The following TXLNG variants were observed in gnomAD, a reference collection of about 807,000 sequenced individuals.
TXLNG encodes the protein gamma-taxilin.
TXLNG carries 5 observed loss-of-function variants against 38.8 expected under a neutral mutation model. The observed-to-expected ratio is 0.13, with a 90% CI of 0.07 to 0.27. The LOEUF (loss-of-function observed/expected upper bound fraction) is 0.27. Ranked by LOEUF, TXLNG falls within the 10% of genes least tolerant of loss-of-function variation. TXLNG has a pLI of 1.00. For missense variants in TXLNG, 393 were observed against 398.2 expected (o/e 0.99, Z 0.11); for synonymous variants, 182 against 158.2 (o/e 1.15, Z -1.13).
At chrX:16,804,985 C>CCCCTTT (rs777605975) in intron 1 of TXLNG, among the ~76,000 whole-genome samples, 3 of 2,131 alleles carry the variant, frequency 1.4e-3, no homozygotes, top group African/African-American at 5.0e-3. Flanking sequence ...CCCCCCCCCG[C>CCCCTTT]TTTTTTTTTT....
intron 1 of TXLNG, among the ~76,000 whole-genome samples, chrX:16,787,093 A>G (rs987408175): frequency 2.9e-4 from 33 of 112,537 alleles, no homozygotes; most frequent in Admixed American, 5.5e-4. Context: ...GTTGCGCAGT[A>G]AGATAACCGC....
intron 9 of TXLNG, chrX:16,840,584 C>A: frequency 3.2e-6 from 1 of 315,024 alleles, no homozygotes; most frequent in Non-Finnish European, 4.2e-6. Flanking sequence ...CCAGCCTGGC[C>A]AACATCGTGA....
At chrX:16,812,211 A>G (rs1928546975) in intron 1 of TXLNG, among the ~76,000 whole-genome samples, 1 of 103,750 alleles carries the variant, frequency 9.6e-6, no homozygotes, top group Non-Finnish European at 2.0e-5. Flanking sequence ...ATTTCATCAC[A>G]TTGGCCAGGC....
chrX:16,821,812 A>C (rs1205952258), intron 3 of TXLNG, among the ~76,000 whole-genome samples: 11 of 105,764 alleles, frequency 1.0e-4, no homozygotes, highest in Admixed American at 3.1e-4. Flanking sequence ...AACACGGTGA[A>C]ACCCTGTCTC....
chrX:16,813,595 C>T (rs1313852383), intron 1 of TXLNG, among the ~76,000 whole-genome samples: 1 of 103,045 alleles, frequency 9.7e-6, no homozygotes, highest in Non-Finnish European at 2.0e-5. Context: ...CTGCAGTAAG[C>T]TTGCATTGTG....
intron 3 of TXLNG, among the ~76,000 whole-genome samples, chrX:16,822,197 C>T (rs1332759180): frequency 3.7e-5 from 4 of 107,679 alleles, no homozygotes; most frequent in Non-Finnish European, 3.8e-5. Context: ...AAAAATTAGC[C>T]GGGTGTGGTG....
chrX:16,817,519 G>GT (rs777514560), intron 1 of TXLNG, among the ~76,000 whole-genome samples: 2 of 111,871 alleles, frequency 1.8e-5, no homozygotes, highest in Non-Finnish European at 3.8e-5. Context: ...TTTGAAAGTA[G>GT]CTTTTGTCCA....
chrX:16,787,039 G>C, intron 1 of TXLNG, among the ~76,000 whole-genome samples: 1 of 112,861 alleles, frequency 8.9e-6, no homozygotes, highest in Non-Finnish European at 1.9e-5. Context: ...GGGCAGGTGC[G>C]CAGGGCGCGC....
rs1162642529 is a variant in TXLNG, at chrX:16,805,007, T to TTTTTTTTTTTTTTTTTTTTTTTG, written c.103-13567_103-13566insTTTTTTTTTTTTTTTTTTTTTTG. Among the ~76,000 whole-genome samples, 2 of 38,723 alleles carry TTTTTTTTTTTTTTTTTTTTTTTG rather than the reference T, an allele frequency of 5.2e-5. 1 individual carries two copies. Among genetic ancestry groups the TTTTTTTTTTTTTTTTTTTTTTTG allele is most frequent in the Non-Finnish European group, 1.0e-4 (2 of 20,073 alleles). 33.6% of individuals were successfully genotyped at this position (38,723 alleles called of 115,157 possible). A position where few individuals can be genotyped will look rare whatever the true frequency, so the allele number is the denominator to read the frequency against. ...CCGCTTTTTTTTTTTTTTTTTTTTT[T>TTTTTTTTTTTTTTTTTTTTTTTG]GAGAGACAGAGCCTGGCTGTGTTGC... On this transcript the variant is annotated intron_variant, in intron 1 of 9. Transcript: ENST00000380122.
chrX:16,826,375 C>T (rs987819884), intron 3 of TXLNG, among the ~76,000 whole-genome samples: 25 of 112,181 alleles, frequency 2.2e-4, no homozygotes, highest in African/African-American at 7.8e-4. Context: ...CAAGATGTCA[C>T]TCTTGCTCTT....
At chrX:16,839,024 A>G (rs1929701310) in intron 8 of TXLNG, among the ~76,000 whole-genome samples, 1 of 111,960 alleles carries the variant, frequency 8.9e-6, no homozygotes, top group Non-Finnish European at 1.9e-5. Flanking sequence ...ACCTGGCTCA[A>G]TGCCCCGACC....
At position 16,841,907 on chromosome X, in the gene TXLNG, G is replaced by T. The variant is rs948196511; in HGVS notation, c.*141G>T. Reference sequence around the variant, plus strand: ...TTCTTAGAACTACTGGACTTATGTGGTACAGGAGGCTGCTTAGCAGTTTTG... The same window carrying T: ...TTCTTAGAACTACTGGACTTATGTGTTACAGGAGGCTGCTTAGCAGTTTTG... On this transcript the variant is annotated 3_prime_UTR_variant, in exon 10 of 10. Transcript: ENST00000380122. The T allele has an allele frequency of 6.8e-5, 46 of 676,378 alleles. No individual in the cohort carries two copies. Among genetic ancestry groups the T allele is most frequent in the African/African-American group, 1.8e-4 (8 of 45,087 alleles). 55.7% of individuals were successfully genotyped at this position (676,378 alleles called of 1,213,427 possible).
At chrX:16,819,996 A>C (rs1928883847) in intron 2 of TXLNG, among the ~76,000 whole-genome samples, 168 bp from the exon 3 acceptor site, 1 of 111,993 alleles carries the variant, frequency 8.9e-6, no homozygotes, top group South Asian at 3.7e-4. Flanking sequence ...CTGCTAATCC[A>C]GAATTTAAAA....
chrX:16,795,073 C>T (rs774267401), intron 1 of TXLNG, among the ~76,000 whole-genome samples: 4 of 110,080 alleles, frequency 3.6e-5, no homozygotes, highest in Non-Finnish European at 7.6e-5. Context: ...GTCAGGAGAT[C>T]GAGACCATCC....
intron 1 of TXLNG, among the ~76,000 whole-genome samples, chrX:16,815,636 C>T (rs1234266419): frequency 9.0e-6 from 1 of 111,445 alleles, no homozygotes; most frequent in African/African-American, 3.3e-5. Context: ...ATTCTCCTGC[C>T]CCAGCCTCCC....
chrX:16,831,750 A>C (rs1400636078), intron 5 of TXLNG, among the ~76,000 whole-genome samples: 3 of 111,942 alleles, frequency 2.7e-5, no homozygotes, highest in Non-Finnish European at 5.6e-5. Flanking sequence ...TATGTGTCTT[A>C]TGTTATGTTC....
intron 5 of TXLNG, among the ~76,000 whole-genome samples, chrX:16,831,009 A>G (rs1219466886): frequency 9.1e-6 from 1 of 110,231 alleles, no homozygotes; most frequent in African/African-American, 3.3e-5. Flanking sequence ...CATGGCTGAT[A>G]ATTTCATCTC....
intron 7 of TXLNG, 95 bp from the exon 8 acceptor site, chrX:16,837,498 C>T (rs778240758): frequency 3.5e-6 from 2 of 565,852 alleles, no homozygotes; most frequent in Admixed American, 7.9e-5. Context: ...ATTTCTATCA[C>T]TTGTAATAAG....
In TXLNG at chrX:16,821,268, G is replaced by A. The variant is rs546723702; in HGVS notation, c.498+1013G>A. Among the ~76,000 whole-genome samples the A allele has an allele frequency of 7.3e-4, 78 of 106,544 alleles. 2 individuals are homozygous for A. In the South Asian group the frequency reaches 0.031, roughly 42 times the overall value. 92.5% of individuals were successfully genotyped at this position (106,544 alleles called of 115,157 possible). The stretch of plus-strand genomic sequence containing the variant: ...CTATTCTCCTGCCTCAGCCTCCTGA[G>A]TAGTTGGGACTACAGGCGCGTGCCA... On this transcript the variant is annotated intron_variant, in intron 3 of 9. Coordinates refer to ENST00000380122, the MANE Select transcript of TXLNG (RefSeq NM_018360.3).
Sources: gnomAD v4.1 joint callset for allele counts (sites outside exome capture counted in the v4.1 genomes callset) on GRCh38, gnomAD v4.1.1 for gene constraint, MANE v1.5 for transcripts, NCBI Gene and HGNC (gene_info 2026-07-23, HGNC 2026-07-21) for gene names.